Variants in ZNF496 observed in about 807,000 individuals in gnomAD.
The protein encoded by ZNF496 is NSD1 (nuclear receptor binding SET-domain containing 1)-interacting zinc finger protein 1.
A neutral mutation model predicts 58.9 loss-of-function variants in ZNF496; 11 were observed. The ratio of observed to expected loss-of-function variants is 0.19; its 90% CI spans 0.12 to 0.31. The LOEUF is 0.31. ZNF496 is among the 10% of genes least tolerant of loss of function. ZNF496 has a pLI of 1.00. For synonymous variants in ZNF496, 338 were observed against 318.2 expected (o/e 1.06, Z -0.66); for missense variants, 660 against 783.0 (o/e 0.84, Z 1.88).
rs771172000 is a variant in ZNF496 at position 247,301,128 on chromosome 1, G to C, written c.1155C>G (p.Leu385=). The C allele has an allele frequency of 6.2e-7, 1 of 1,613,720 alleles. No individual in the cohort carries two copies. Among genetic ancestry groups the C allele is most frequent in the Non-Finnish European group, 8.5e-7 (1 of 1,179,984 alleles). The stretch of plus-strand genomic sequence containing the variant: ...CGGTGCTGCTCCGGTGGGAGGCGGG[G>C]AGGCTGCGCTGCTTCTCTGTGGGGC... ...LGSPTEKQRS[L]PASHRSSTEA... The change falls in exon 10 of 10, where the codon CTC becomes CTG. Residue 385 remains leucine, a synonymous_variant. Transcript: ENST00000682384.
At position 247,329,040 on chromosome 1, in the gene ZNF496, T is replaced by C; in HGVS notation, c.390+149A>G. On this transcript the variant is annotated intron_variant, in intron 4 of 9. Coordinates refer to ENST00000682384, the MANE Select transcript of ZNF496 (RefSeq NM_032752.3). The surrounding 1 kb of genome is among the most constrained non-coding windows in gnomAD (Gnocchi z 5.5). Reference sequence around the variant, plus strand: ...AATTAGAGCCTTCAGGGAGTAAAACTGGCTTTCTTAGGAAACTCTAGTCTG... The same window carrying C: ...AATTAGAGCCTTCAGGGAGTAAAACCGGCTTTCTTAGGAAACTCTAGTCTG... 4 of 1,429,186 alleles carry C rather than the reference T, an allele frequency of 2.8e-6. No homozygotes were observed. The South Asian group carries it at 3.8e-5, about 14-fold the overall frequency. The allele number at this position is 1,429,186 out of a possible 1,614,324, so 88.5% of individuals were successfully genotyped here. A position where few individuals can be genotyped will look rare whatever the true frequency, so the allele number is the denominator to read the frequency against.
chr1:247,306,603 G>A (rs1002179553), intron 9 of ZNF496, among the ~76,000 whole-genome samples: 1 of 150,390 alleles, frequency 6.6e-6, no homozygotes, highest in Non-Finnish European at 1.5e-5. Context: ...CCAGGTTCAA[G>A]CGATTCTCCT....
chr1:247,316,160 G>GTGTA (rs1659762853), intron 6 of ZNF496, among the ~76,000 whole-genome samples: 1 of 141,056 alleles, frequency 7.1e-6, no homozygotes, highest in Admixed American at 7.1e-5. Flanking sequence ...GTGTGTGTGT[G>GTGTA]TGTGTGTGTG....
intron 6 of ZNF496, among the ~76,000 whole-genome samples, chr1:247,315,300 T>A (rs1659736144): frequency 6.6e-6 from 1 of 152,108 alleles, no homozygotes; most frequent in South Asian, 2.1e-4. Flanking sequence ...AGTGTGGTTC[T>A]CCTGCAAAAT....
chr1:247,300,376 C>T lies in ZNF496; in HGVS notation c.*143G>A, dbSNP rs1659198634. 2 of 862,688 alleles carry T rather than the reference C, an allele frequency of 2.3e-6. No homozygotes were observed. Among genetic ancestry groups the T allele is most frequent in the Non-Finnish European group, 3.4e-6 (2 of 596,598 alleles). 53.4% of individuals were successfully genotyped at this position (862,688 alleles called of 1,614,324 possible). On this transcript the variant is annotated 3_prime_UTR_variant, in exon 10 of 10. Transcript: ENST00000682384. The surrounding 1 kb of genome is among the most constrained non-coding windows in gnomAD (Gnocchi z 5.7). ...GGGAGAGTGCTCCCATGGCACCACC[C>T]GAACGCTCACTACCTGAGAGCAAGG... is the stretch of plus-strand genomic sequence containing the variant.
At position 247,329,467 on chromosome 1, in the gene ZNF496, G is replaced by C. The variant is rs1457960161; in HGVS notation, c.112C>G (p.Pro38Ala). The C allele has an allele frequency of 6.2e-7, 1 of 1,609,802 alleles. No individual in the cohort carries two copies. The highest frequency in any genetic ancestry group is 8.5e-7 in the Non-Finnish European group (1 of 1,178,328). ...CGGAAGAGACGCCGAGAGGACTCGG[G>C]GCTGGGAAGCTCCCCCTGGGGGCTA... Reference protein sequence around the residue: ...NPSPQGELPSPESSRRLFRRF... With the variant: ...NPSPQGELPSAESSRRLFRRF... Residue 38 changes from proline (P) to alanine (A), a missense_variant, in exon 4 of 10, where the codon CCC becomes GCC. Transcript: ENST00000682384. The surrounding 1 kb of genome is among the most constrained non-coding windows in gnomAD (Gnocchi z 5.5).
Position 247,328,815 on chromosome 1 carries a change from C to A in ZNF496, c.442G>T (p.Asp148Tyr). 6.2e-7 allele frequency: 1 copy of A among 1,612,726 alleles called. No individual in the cohort carries two copies. The highest frequency in any genetic ancestry group is 8.5e-7 in the Non-Finnish European group (1 of 1,179,382). The change falls in exon 5 of 10, where the codon GAC becomes TAC. Residue 148 changes from aspartate (D) to tyrosine (Y), a missense_variant. Asp to Tyr is a radical substitution (Grantham distance 160). Transcript: ENST00000682384. ...VVIDDGDSPL[D>Y]QEQEQLPVEP... ...ACCGGCAGCTGCTCCTGCTCCTGGT[C>A]CAGAGGGCTGTCCCCATCATCAATC...
intron 6 of ZNF496, among the ~76,000 whole-genome samples, chr1:247,320,180 C>A (rs912205016): frequency 6.6e-6 from 1 of 152,164 alleles, no homozygotes; most frequent in African/African-American, 2.4e-5. Context: ...AACCTGCACA[C>A]AAATATTTAC....
At position 247,328,680 on chromosome 1, in the gene ZNF496, T is replaced by C; in HGVS notation, c.574+3A>G. On this transcript the variant is annotated splice_donor_region_variant and intron_variant, in intron 5 of 9. Coordinates refer to ENST00000682384, the MANE Select transcript of ZNF496 (RefSeq NM_032752.3). ...CCCTGCTACACTCCCCTGGGCTGCATACCTGGGTCCCCGCTGAGCTGGCTT... is the reference window on the plus strand; with the variant it reads ...CCCTGCTACACTCCCCTGGGCTGCACACCTGGGTCCCCGCTGAGCTGGCTT... The C allele has an allele frequency of 1.3e-6, 2 of 1,577,686 alleles. No homozygotes were observed. The highest frequency in any genetic ancestry group is 2.2e-5 in the East Asian group (1 of 44,460).
At chr1:247,303,015 T>C (rs1659297413) in intron 9 of ZNF496, among the ~76,000 whole-genome samples, 2 of 152,244 alleles carry the variant, frequency 1.3e-5, no homozygotes, top group South Asian at 2.1e-4. Flanking sequence ...GTGCATGTTA[T>C]GGGCGAAATT....
Position 247,300,685 on chromosome 1 carries a change from C to T in ZNF496, c.1598G>A (p.Arg533Gln), listed in dbSNP as rs1659210431. ...GCGGTGCCGAGCCAGGTGGTCGTGCCGCTGGAAGGCCTTCCCACACTCACA... is the reference window on the plus strand; with the variant it reads ...GCGGTGCCGAGCCAGGTGGTCGTGCTGCTGGAAGGCCTTCCCACACTCACA... The part of the protein sequence containing the change: ...QCCECGKAFQ[R>Q]HDHLARHRSH... Residue 533 changes from arginine to glutamine, a missense_variant, in exon 10 of 10, where the codon CGG becomes CAG. Physicochemically the swap from Arg to Gln is conservative, Grantham distance 43. Coordinates refer to ENST00000682384, the MANE Select transcript of ZNF496 (RefSeq NM_032752.3). The surrounding 1 kb of genome is among the most constrained non-coding windows in gnomAD (Gnocchi z 5.7). The T allele has an allele frequency of 1.2e-6, 2 of 1,614,052 alleles. No individual in the cohort carries two copies. Among genetic ancestry groups the T allele is most frequent in the South Asian group, 2.2e-5 (2 of 91,076 alleles).
At chr1:247,314,499 G>C (rs562059637) in intron 6 of ZNF496, among the ~76,000 whole-genome samples, 2 of 145,518 alleles carry the variant, frequency 1.4e-5, no homozygotes, top group Admixed American at 6.7e-5. Context: ...AGGAAACCAG[G>C]AAAATAAAGC....
In ZNF496 at chr1:247,300,418, CT is replaced by C; in HGVS notation, c.*100del. On this transcript the variant is annotated 3_prime_UTR_variant, in exon 10 of 10. Transcript: ENST00000682384. This position sits in a 1 kb window ranked among gnomAD's most constrained non-coding sequence, Gnocchi z 5.7. ...AGAGCAAGGACAGGAGGGAGGTGTG[CT>C]CTCTATCCTGGGGAAGGTATGTCCT... 1 of 1,313,208 alleles carries C rather than the reference CT, an allele frequency of 7.6e-7. No homozygotes were observed. The highest frequency in any genetic ancestry group is 1.0e-6 in the Non-Finnish European group (1 of 975,676). 81.3% of individuals were successfully genotyped at this position (1,313,208 alleles called of 1,614,324 possible). A position where few individuals can be genotyped will look rare whatever the true frequency, so the allele number is the denominator to read the frequency against.
intron 6 of ZNF496, among the ~76,000 whole-genome samples, chr1:247,316,135 G>GTGTGTGTGTGTGT (rs1553270763): frequency 7.2e-6 from 1 of 139,830 alleles, no homozygotes; most frequent in African/African-American, 2.7e-5. Flanking sequence ...CTGGGAGAGG[G>GTGTGTGTGTGTGT]GTGTGTGTGT....
chr1:247,315,289 C>T (rs1415591491), intron 6 of ZNF496, among the ~76,000 whole-genome samples: 2 of 152,084 alleles, frequency 1.3e-5, no homozygotes, highest in Non-Finnish European at 2.9e-5. Flanking sequence ...GTGCACAGCC[C>T]AGTGTGGTTC....
chr1:247,308,908 A>G lies in ZNF496; in HGVS notation c.893-320T>C, dbSNP rs1171229128. 4 of 353,996 alleles carry G rather than the reference A, an allele frequency of 1.1e-5. No homozygotes were observed. The highest frequency in any genetic ancestry group is 2.2e-5 in the Non-Finnish European group (4 of 183,488). 21.9% of individuals were successfully genotyped at this position (353,996 alleles called of 1,614,324 possible). A position where few individuals can be genotyped will look rare whatever the true frequency, so the allele number is the denominator to read the frequency against. ...TCCCACTTTCTGTGGTGGGTTTTCTATAGTCATCACCACAGGCTCCTGCAC... is the reference window on the plus strand; with the variant it reads ...TCCCACTTTCTGTGGTGGGTTTTCTGTAGTCATCACCACAGGCTCCTGCAC... On this transcript the variant is annotated intron_variant, in intron 8 of 9. Transcript: ENST00000682384. The surrounding 1 kb of genome is among the most constrained non-coding windows in gnomAD (Gnocchi z 4.5).
At position 247,309,448 on chromosome 1, in the gene ZNF496, A is replaced by G; in HGVS notation, c.892+251T>C. 1 of 1,347,346 alleles carries G rather than the reference A, an allele frequency of 7.4e-7. No individual in the cohort carries two copies. Among genetic ancestry groups the G allele is most frequent in the Non-Finnish European group, 9.5e-7 (1 of 1,050,840 alleles). The allele number at this position is 1,347,346 out of a possible 1,614,324, so 83.5% of individuals were successfully genotyped here. A position where few individuals can be genotyped will look rare whatever the true frequency, so the allele number is the denominator to read the frequency against. On this transcript the variant is annotated intron_variant, in intron 8 of 9. Coordinates refer to ENST00000682384, the MANE Select transcript of ZNF496 (RefSeq NM_032752.3). The surrounding 1 kb of genome is among the most constrained non-coding windows in gnomAD (Gnocchi z 4.3). ...ACCAGATGTTACTTACAGGCAGAGG[A>G]GAAAGACATTCCTATTATTTCCCAG... is the stretch of plus-strand genomic sequence containing the variant.
At chr1:247,315,305 C>T (rs1381580859) in intron 6 of ZNF496, among the ~76,000 whole-genome samples, 1 of 152,072 alleles carries the variant, frequency 6.6e-6, no homozygotes, top group Non-Finnish European at 1.5e-5. Flanking sequence ...GGTTCTCCTG[C>T]AAAATGCGTG....
intron 7 of ZNF496, 159 bp downstream of exon 7, chr1:247,310,165 G>A: frequency 6.9e-7 from 1 of 1,457,668 alleles, no homozygotes; most frequent in Non-Finnish European, 9.0e-7. Flanking sequence ...TAGGGCCGCT[G>A]TGTGCAAATG....
Sources: allele counts gnomAD v4.1 joint callset (sites outside exome capture counted in the v4.1 genomes callset), GRCh38; gene constraint gnomAD v4.1.1; non-coding constraint Gnocchi (gnomAD v3.1); transcripts MANE v1.5; gene names NCBI Gene and HGNC (gene_info 2026-07-23, HGNC 2026-07-21).